Variants in PCDH9 observed in about 807,000 individuals in gnomAD.
PCDH9 encodes protocadherin 9.
Under a neutral mutation model 70.6 loss-of-function variants are expected in PCDH9, and 24 were observed. That is an observed-to-expected ratio of 0.34 (90% CI 0.25 to 0.48). The LOEUF (loss-of-function observed/expected upper bound fraction) is 0.48. Ranked by LOEUF, PCDH9 falls within the 20% of genes least tolerant of loss-of-function variation. The pLI is 0.99. For missense variants in PCDH9, 1,281 were observed against 1,503.6 expected, an observed-to-expected ratio of 0.85 and a Z score of 2.45; for synonymous variants, 562 against 558.5, an observed-to-expected ratio of 1.01 and a Z score of -0.09.
chr13:66,522,036 C>CATATATATAT (rs34150352), intron 4 of PCDH9, among the ~76,000 whole-genome samples: 17 of 145,226 alleles, frequency 1.2e-4, no homozygotes, highest in Non-Finnish European at 1.8e-4. Context: ...TGTATATATA[C>CATATATATAT]ATATATATAT....
At chr13:66,912,812 C>T (rs991861613) in intron 2 of PCDH9, among the ~76,000 whole-genome samples, 1 of 151,878 alleles carries the variant, frequency 6.6e-6, no homozygotes, top group African/African-American at 2.4e-5. Flanking sequence ...AGGGCAAAAT[C>T]TTTCTGAAAA....
intron 4 of PCDH9, among the ~76,000 whole-genome samples, chr13:66,325,272 G>A (rs1357571791): frequency 6.6e-6 from 1 of 151,980 alleles, no homozygotes; most frequent in Non-Finnish European, 1.5e-5. Context: ...AGGGAGAATA[G>A]TTATTCAGAA....
chr13:67,014,808 A>G (rs564452684), intron 2 of PCDH9, among the ~76,000 whole-genome samples: 1 of 152,118 alleles, frequency 6.6e-6, no homozygotes, highest in African/African-American at 2.4e-5. Flanking sequence ...GTGCTTGTAA[A>G]TAACTTAAAA....
chr13:66,976,564 T>C (rs758850993), intron 2 of PCDH9, among the ~76,000 whole-genome samples: 1 of 152,114 alleles, frequency 6.6e-6, no homozygotes, highest in Non-Finnish European at 1.5e-5. Flanking sequence ...TTACCATACA[T>C]ACAATATTTT....
At chr13:66,600,206 T>C (rs2077149340) in intron 4 of PCDH9, among the ~76,000 whole-genome samples, 1 of 151,924 alleles carries the variant, frequency 6.6e-6, no homozygotes, top group Non-Finnish European at 1.5e-5. Flanking sequence ...TTAAAAATAC[T>C]GTGTAGGCTT....
intron 2 of PCDH9, among the ~76,000 whole-genome samples, chr13:67,105,947 A>T (rs2086532103): frequency 6.6e-6 from 1 of 151,356 alleles, no homozygotes; most frequent in Non-Finnish European, 1.5e-5. Context: ...ATATATCTAT[A>T]TATTAGTTTA....
chr13:66,949,989 T>G (rs2083151709), intron 2 of PCDH9, among the ~76,000 whole-genome samples: 1 of 152,110 alleles, frequency 6.6e-6, no homozygotes, highest in Admixed American at 6.6e-5. Context: ...TCTTCTAGGT[T>G]CGATATTCAC....
At chr13:66,987,039 CA>C (rs2083906245) in intron 2 of PCDH9, among the ~76,000 whole-genome samples, 3 of 151,796 alleles carry the variant, frequency 2.0e-5, no homozygotes, top group Admixed American at 2.0e-4. Flanking sequence ...AGACTACTTG[CA>C]AAAATGGCAT....
intron 2 of PCDH9, among the ~76,000 whole-genome samples, chr13:67,118,698 A>T (rs2086823584): frequency 6.6e-6 from 1 of 152,144 alleles, no homozygotes; most frequent in African/African-American, 2.4e-5. Context: ...GAAGCCAGAG[A>T]GTATGATAGT....
chr13:66,850,094 T>C (rs2081289904), intron 3 of PCDH9, among the ~76,000 whole-genome samples: 1 of 152,164 alleles, frequency 6.6e-6, no homozygotes, highest in African/African-American at 2.4e-5. Flanking sequence ...ATTGTTGTAT[T>C]ATAATATTAC....
intron 2 of PCDH9, among the ~76,000 whole-genome samples, chr13:67,169,596 A>G (rs2088220173): frequency 6.6e-6 from 1 of 152,198 alleles, no homozygotes; most frequent in African/African-American, 2.4e-5. Context: ...TTTGTAAGCT[A>G]AACAATGTTT....
At chr13:66,700,144 C>T (rs2078618661) in intron 3 of PCDH9, among the ~76,000 whole-genome samples, 2 of 151,160 alleles carry the variant, frequency 1.3e-5, no homozygotes, top group South Asian at 2.1e-4. Context: ...CAAACCCCGG[C>T]ACCTGTATTG....
At chr13:66,653,109 C>T (rs1044015907) in intron 3 of PCDH9, among the ~76,000 whole-genome samples, 1 of 152,096 alleles carries the variant, frequency 6.6e-6, no homozygotes, top group East Asian at 1.9e-4. Context: ...TAATACCCTA[C>T]AAGCACAGAC....
intron 4 of PCDH9, among the ~76,000 whole-genome samples, chr13:66,497,468 T>C (rs1170622654): frequency 6.6e-6 from 1 of 152,190 alleles, no homozygotes; most frequent in Non-Finnish European, 1.5e-5. Flanking sequence ...TTGGATATAA[T>C]TTCAGTTGAA....
intron 4 of PCDH9, among the ~76,000 whole-genome samples, chr13:66,599,785 A>G (rs1341488717): frequency 6.6e-6 from 1 of 151,844 alleles, no homozygotes; most frequent in Non-Finnish European, 1.5e-5. Context: ...AATTGTTTAA[A>G]TGCTCTCAGT....
chr13:66,448,608 T>A, intron 4 of PCDH9, among the ~76,000 whole-genome samples: 1 of 152,184 alleles, frequency 6.6e-6, no homozygotes, highest in East Asian at 1.9e-4. Flanking sequence ...CATGCAGTTT[T>A]GATAATACCA....
At chr13:66,704,412 A>G (rs1298945067) in intron 3 of PCDH9, among the ~76,000 whole-genome samples, 1 of 152,218 alleles carries the variant, frequency 6.6e-6, no homozygotes, top group Non-Finnish European at 1.5e-5. Flanking sequence ...TTCTTTCTGT[A>G]ACATTTTTGC....
In PCDH9 at chr13:66,558,540, G is replaced by A. The variant is rs147895738; in HGVS notation, c.3340+72670C>T. On this transcript the variant is annotated intron_variant, in intron 4 of 4. Coordinates refer to ENST00000377865, the MANE Select transcript of PCDH9 (RefSeq NM_203487.3). ...AGGGGTGAGTTAAAGAGTTGCTGAG[G>A]AAGAAAAGACCTCCAAAACACTCTG... 3.0e-3 allele frequency among the ~76,000 whole-genome samples: 463 copies of A among 152,030 alleles called. 2 individuals are homozygous for A. Among genetic ancestry groups the A allele is most frequent in the Non-Finnish European group, 4.8e-3 (328 of 67,968 alleles).
At position 66,445,730 on chromosome 13, in the gene PCDH9, CAT is replaced by C. The variant is rs529456868; in HGVS notation, c.3341-140704_3341-140703del. Among the ~76,000 whole-genome samples the C allele has an allele frequency of 6.9e-3, 977 of 141,608 alleles. 20 individuals carry two copies. Among genetic ancestry groups the C allele is most frequent in the African/African-American group, 0.025 (929 of 37,630 alleles). The allele number at this position is 141,608 out of a possible 152,430, so 92.9% of individuals were successfully genotyped here. ...TGTATACACATATATAATACATACACATATATATTATATATACACATATATAA... is the reference window on the plus strand; with the variant it reads ...TGTATACACATATATAATACATACACATATATTATATATACACATATATAA... On this transcript the variant is annotated intron_variant, in intron 4 of 4. Transcript: ENST00000377865.
Sources: allele counts gnomAD v4.1 joint callset (sites outside exome capture counted in the v4.1 genomes callset), GRCh38; gene constraint gnomAD v4.1.1; transcripts MANE v1.5; gene names NCBI Gene and HGNC (gene_info 2026-07-23, HGNC 2026-07-21).